The following DPYD variants were observed in gnomAD, a reference collection of about 807,000 sequenced individuals.
DPYD encodes the protein dihydropyrimidine dehydrogenase [NADP(+)].
Under a neutral mutation model 116.2 loss-of-function variants are expected in DPYD, and 109 were observed. That is an observed-to-expected ratio of 0.94 (90% CI 0.80 to 1.10). The LOEUF (loss-of-function observed/expected upper bound fraction) is 1.10. Ranked by LOEUF, DPYD falls within the 50% of genes least tolerant of loss-of-function variation. DPYD has a pLI of 0.00. For missense variants in DPYD, 1,302 were observed against 1,254.5 expected (o/e 1.04, Z -0.57); for synonymous variants, 440 against 432.0 (o/e 1.02, Z -0.23).
intron 8 of DPYD, among the ~76,000 whole-genome samples, chr1:97,625,952 G>T (rs1162560096): frequency 6.6e-5 from 10 of 151,988 alleles, no homozygotes; most frequent in Admixed American, 6.6e-4. Flanking sequence ...GGTCACGTGG[G>T]CTTTGGCAGA....
chr1:97,086,473 C>T (rs542287344), intron 21 of DPYD, among the ~76,000 whole-genome samples: 109 of 151,858 alleles, frequency 7.2e-4, no homozygotes, highest in Non-Finnish European at 1.2e-3. Flanking sequence ...GAATTTATTA[C>T]GACTAATATT....
At chr1:97,408,226 G>C (rs1462777459) in intron 14 of DPYD, among the ~76,000 whole-genome samples, 3 of 152,150 alleles carry the variant, frequency 2.0e-5, no homozygotes, top group African/African-American at 7.2e-5. Context: ...TGAAGGCAAA[G>C]GGAATAAAGA....
At chr1:97,705,989 G>T in intron 5 of DPYD, among the ~76,000 whole-genome samples, 1 of 151,144 alleles carries the variant, frequency 6.6e-6, no homozygotes. Flanking sequence ...TTTTTTTCTT[G>T]TAAATTTGTT....
chr1:97,905,234 T>C (rs568815910), intron 1 of DPYD, among the ~76,000 whole-genome samples: 1 of 152,132 alleles, frequency 6.6e-6, no homozygotes, highest in South Asian at 2.1e-4. Flanking sequence ...AATTCAAAAT[T>C]ATACAGGACT....
At chr1:97,268,451 T>A (rs539615845) in intron 18 of DPYD, among the ~76,000 whole-genome samples, 1 of 152,186 alleles carries the variant, frequency 6.6e-6, no homozygotes, top group Non-Finnish European at 1.5e-5. Flanking sequence ...TCTGTGCCTA[T>A]GACAAGTCTC....
intron 21 of DPYD, among the ~76,000 whole-genome samples, chr1:97,089,740 A>G (rs1235494096): frequency 6.6e-6 from 1 of 151,968 alleles, no homozygotes; most frequent in African/African-American, 2.4e-5. Context: ...TGTTGATAAA[A>G]GGGAAATCAT....
intron 5 of DPYD, among the ~76,000 whole-genome samples, chr1:97,716,005 CAT>C (rs1417615648): frequency 1.3e-5 from 2 of 152,176 alleles, no homozygotes; most frequent in East Asian, 3.9e-4. Flanking sequence ...TTAAAACAAT[CAT>C]ATACTAATTT....
chr1:97,514,789 G>A (rs1235769307), intron 13 of DPYD, among the ~76,000 whole-genome samples: 1 of 151,566 alleles, frequency 6.6e-6, no homozygotes, highest in Non-Finnish European at 1.5e-5. Flanking sequence ...AAAGCTGTCA[G>A]AGTAAGACAG....
chr1:97,642,136 G>A (rs905424095), intron 8 of DPYD, among the ~76,000 whole-genome samples: 3 of 152,266 alleles, frequency 2.0e-5, no homozygotes, highest in Non-Finnish European at 2.9e-5. Flanking sequence ...CATGCTCATG[G>A]AGAGGAAGAA....
chr1:97,467,202 G>T (rs1158151237), intron 13 of DPYD, among the ~76,000 whole-genome samples: 3 of 152,194 alleles, frequency 2.0e-5, no homozygotes, highest in Admixed American at 6.5e-5. Context: ...CTGCAAGCAG[G>T]CCTCAGATAA....
intron 8 of DPYD, among the ~76,000 whole-genome samples, chr1:97,669,985 T>C (rs964646654): frequency 3.3e-5 from 5 of 152,116 alleles, no homozygotes; most frequent in African/African-American, 1.2e-4. Flanking sequence ...AGTGTGAAAA[T>C]AGCTATCCAA....
chr1:97,716,838 C>T (rs1662644288), intron 5 of DPYD, among the ~76,000 whole-genome samples: 1 of 151,956 alleles, frequency 6.6e-6, no homozygotes, highest in South Asian at 2.1e-4. Flanking sequence ...AATATCATGG[C>T]CTTTAGCATT....
intron 3 of DPYD, among the ~76,000 whole-genome samples, chr1:97,765,198 G>A (rs1283395110): frequency 6.6e-6 from 1 of 152,158 alleles, no homozygotes; most frequent in Non-Finnish European, 1.5e-5. Flanking sequence ...TTAGTTTCAA[G>A]CATTGTCATA....
intron 21 of DPYD, among the ~76,000 whole-genome samples, chr1:97,092,854 C>A (rs1649986667): frequency 1.3e-5 from 2 of 152,030 alleles, no homozygotes; most frequent in Non-Finnish European, 2.9e-5. Flanking sequence ...ATTATCAGCT[C>A]TTTACTATAC....
chr1:97,080,778 GCTTT>G (rs1040267827), intron 22 of DPYD, among the ~76,000 whole-genome samples: 3 of 152,040 alleles, frequency 2.0e-5, no homozygotes, highest in Admixed American at 6.6e-5. Context: ...AAAAATTTTG[GCTTT>G]CTATTTTTAT....
chr1:97,887,753 GT>G (rs1179958503), intron 1 of DPYD, among the ~76,000 whole-genome samples: 1 of 151,926 alleles, frequency 6.6e-6, no homozygotes, highest in East Asian at 2.0e-4. Context: ...TTGAATTGTA[GT>G]TCCCATAATC....
rs868586390 is a variant in DPYD at position 97,100,979 on chromosome 1, T to G, written c.2623-2347A>C. On this transcript the variant is annotated intron_variant, in intron 20 of 22. Coordinates refer to ENST00000370192, the MANE Select transcript of DPYD (RefSeq NM_000110.4). Reference sequence around the variant, plus strand: ...TCTAATGTGCTAATTGGTTTTATAATTAGTCCTAAAGAGAGAATCTCAATT... The same window carrying G: ...TCTAATGTGCTAATTGGTTTTATAAGTAGTCCTAAAGAGAGAATCTCAATT... Among the ~76,000 whole-genome samples, 60 of 152,172 alleles carry G rather than the reference T, an allele frequency of 3.9e-4. No homozygotes were observed. In the Middle Eastern group the frequency reaches 0.014, roughly 35 times the overall value.
intron 7 of DPYD, among the ~76,000 whole-genome samples, chr1:97,690,030 A>G (rs1660933379): frequency 6.6e-6 from 1 of 152,026 alleles, no homozygotes; most frequent in African/African-American, 2.4e-5. Context: ...TAAAATTCAA[A>G]TGTACAAAAT....
At chr1:97,210,016 T>C (rs1307029578) in intron 19 of DPYD, among the ~76,000 whole-genome samples, 3 of 152,262 alleles carry the variant, frequency 2.0e-5, no homozygotes, top group Non-Finnish European at 4.4e-5. Flanking sequence ...ATGTGGGGCA[T>C]GACCATAGAA....
Sources: allele counts gnomAD v4.1 joint callset (sites outside exome capture counted in the v4.1 genomes callset), GRCh38; gene constraint gnomAD v4.1.1; transcripts MANE v1.5; gene names NCBI Gene and HGNC (gene_info 2026-07-23, HGNC 2026-07-21).